TENT4B: variants seen among roughly 807,000 people sequenced by gnomAD.
TENT4B encodes the protein terminal nucleotidyltransferase 4B.
Under a neutral mutation model 75.0 loss-of-function variants are expected in TENT4B, and 10 were observed. The ratio of observed to expected loss-of-function variants is 0.13; its 90% CI spans 0.08 to 0.23. The LOEUF (loss-of-function observed/expected upper bound fraction) is 0.23, where lower values mean the gene tolerates loss of function less well. TENT4B is among the 10% of genes least tolerant of loss of function. The pLI is 1.00. For missense variants in TENT4B, 579 were observed against 893.8 expected, an observed-to-expected ratio of 0.65 and a Z score of 4.49; for synonymous variants, 350 against 357.7, an observed-to-expected ratio of 0.98 and a Z score of 0.24.
At position 50,235,140 on chromosome 16, in the gene TENT4B, C is replaced by T. The variant is rs546048517; in HGVS notation, c.*5812C>T. ...ATGAAAACTATGAATGAATTGCACA[C>T]CTGGAAGATTTTTTAAGCTAATGAC... On this transcript the variant is annotated 3_prime_UTR_variant, in exon 12 of 12. Coordinates refer to ENST00000561678, the MANE Select transcript of TENT4B (RefSeq NM_001365324.3). The T allele has an allele frequency of 1.6e-6, 1 of 628,434 alleles. No homozygotes were observed. The highest frequency in any genetic ancestry group is 2.0e-6 in the Non-Finnish European group (1 of 503,768). The allele number at this position is 628,434 out of a possible 1,614,324, so 38.9% of individuals were successfully genotyped here.
At chr16:50,222,602 T>C (rs1596750195) in intron 6 of TENT4B, among the ~76,000 whole-genome samples, 168 bp downstream of exon 6, 1 of 152,258 alleles carries the variant, frequency 6.6e-6, no homozygotes, top group East Asian at 1.9e-4. Context: ...TTAGCAAATA[T>C]GTATTTTTAA....
In TENT4B at chr16:50,154,000, TCCTCGGCGTCCTCGCCTC is replaced by T. The variant is rs777391196; in HGVS notation, c.394_411del (p.Pro132_Ser137del). ...CGGGGCCTGGGCCCGCCGGGCGGGC[TCCTCGGCGTCCTCGCCTC>T]CCTCGGCGTCCTCGTCCCCGCACCC... On this transcript the variant is annotated inframe_deletion, in exon 1 of 12. Coordinates refer to ENST00000561678, the MANE Select transcript of TENT4B (RefSeq NM_001365324.3). The T allele has an allele frequency of 6.4e-5, 98 of 1,533,754 alleles. No individual in the cohort carries two copies. Among genetic ancestry groups the T allele is most frequent in the Admixed American group, 7.9e-5 (4 of 50,846 alleles).
intron 5 of TENT4B, among the ~76,000 whole-genome samples, chr16:50,221,211 G>C (rs12935209): frequency 0.62 from 94,227 of 152,040 alleles, 30,884 homozygotes; most frequent in East Asian, 0.72. Context: ...AGCCAAGATT[G>C]TGCTACTGTA....
chr16:50,229,208 A>C lies in TENT4B; in HGVS notation c.2022A>C (p.Gln674His). 1 of 1,613,952 alleles carries C rather than the reference A, an allele frequency of 6.2e-7. No homozygotes were observed. Among genetic ancestry groups the C allele is most frequent in the South Asian group, 1.1e-5 (1 of 91,062 alleles). Residue 674 changes from glutamine to histidine, a missense_variant, in exon 12 of 12, where the codon CAA (glutamine) becomes CAC (histidine). By Grantham distance (24) the Gln-to-His change is conservative. This residue lies in a region of TENT4B where 164 missense variants were observed against 226.5 expected (regional missense o/e 0.72). Coordinates refer to ENST00000561678, the MANE Select transcript of TENT4B (RefSeq NM_001365324.3). The part of the protein sequence containing the change: ...SSSKGFQGTT[Q>H]TSHGSLMTNK... ...GCAAAGGCTTCCAAGGTACAACTCAAACAAGCCATGGTTCCTTGATGACAA... is the reference window on the plus strand; with the variant it reads ...GCAAAGGCTTCCAAGGTACAACTCACACAAGCCATGGTTCCTTGATGACAA...
chr16:50,182,832 GTGAA>G (rs2038440983), intron 1 of TENT4B, among the ~76,000 whole-genome samples: 1 of 141,666 alleles, frequency 7.1e-6, no homozygotes, highest in Non-Finnish European at 1.5e-5. Flanking sequence ...AGGTTTAACA[GTGAA>G]TGAGGAAAAC....
intron 8 of TENT4B, 33 bp downstream of exon 8, chr16:50,224,816 C>G (rs1316283327): frequency 6.2e-7 from 1 of 1,612,866 alleles, no homozygotes; most frequent in Non-Finnish European, 8.5e-7. Context: ...CCCATTGTGT[C>G]AAAATTAGTT....
chr16:50,183,361 C>T (rs1262414118), intron 1 of TENT4B, among the ~76,000 whole-genome samples: 3 of 151,826 alleles, frequency 2.0e-5, no homozygotes, highest in African/African-American at 7.3e-5. Flanking sequence ...TGTATTTTAT[C>T]TTGCTGTAGC....
chr16:50,187,860 T>G (rs961922127), intron 1 of TENT4B, among the ~76,000 whole-genome samples: 4 of 152,122 alleles, frequency 2.6e-5, no homozygotes, highest in African/African-American at 9.7e-5. Context: ...AGACCCCATC[T>G]CTATATTTTA....
At chr16:50,181,385 C>T (rs1222874463) in intron 1 of TENT4B, among the ~76,000 whole-genome samples, 3 of 149,458 alleles carry the variant, frequency 2.0e-5, no homozygotes, top group Non-Finnish European at 4.4e-5. Flanking sequence ...GTGGTGTGAT[C>T]TTGGCTCACT....
chr16:50,171,137 A>G (rs918602184), intron 1 of TENT4B, among the ~76,000 whole-genome samples: 1 of 152,140 alleles, frequency 6.6e-6, no homozygotes, highest in Non-Finnish European at 1.5e-5. Flanking sequence ...TGCCAGGCTC[A>G]TGCCTGTAAT....
intron 1 of TENT4B, among the ~76,000 whole-genome samples, chr16:50,177,823 T>G (rs1415445661): frequency 6.6e-6 from 1 of 152,178 alleles, no homozygotes. Context: ...AAACTGAGAT[T>G]ATTGATTTTT....
At chr16:50,155,274 T>TGTGTGTGG (rs2037873789) in intron 1 of TENT4B, among the ~76,000 whole-genome samples, 2 of 136,878 alleles carry the variant, frequency 1.5e-5, no homozygotes, top group South Asian at 4.4e-4. Context: ...GTCTCGTGGG[T>TGTGTGTGG]GTGTGTGTGT....
intron 5 of TENT4B, among the ~76,000 whole-genome samples, chr16:50,220,982 A>G (rs1459534386): frequency 6.6e-6 from 1 of 152,172 alleles, no homozygotes; most frequent in Non-Finnish European, 1.5e-5. Context: ...GATAAGAGTA[A>G]AGAAAAAAAA....
chr16:50,178,259 C>T (rs1025690941), intron 1 of TENT4B, among the ~76,000 whole-genome samples: 6 of 150,964 alleles, frequency 4.0e-5, no homozygotes, highest in South Asian at 2.1e-4. Flanking sequence ...AGTTTGAGAC[C>T]AGCCTGGGCA....
At chr16:50,218,172 G>A (rs890286388) in intron 5 of TENT4B, among the ~76,000 whole-genome samples, 1 of 152,148 alleles carries the variant, frequency 6.6e-6, no homozygotes, top group Non-Finnish European at 1.5e-5. Flanking sequence ...AGCTTTTGAA[G>A]AAATTGTCTG....
chr16:50,223,587 A>G (rs1047629922), intron 7 of TENT4B, among the ~76,000 whole-genome samples, 200 bp downstream of exon 7: 1 of 152,222 alleles, frequency 6.6e-6, no homozygotes, highest in Non-Finnish European at 1.5e-5. Context: ...ACTTCCAGAT[A>G]AGTAGGGAGT....
chr16:50,217,199 A>G (rs2031604630), intron 4 of TENT4B, among the ~76,000 whole-genome samples: 1 of 152,214 alleles, frequency 6.6e-6, no homozygotes, highest in Admixed American at 6.5e-5. Flanking sequence ...GATGATGGGC[A>G]TATTAATTTA....
At chr16:50,174,010 A>G (rs1257073269) in intron 1 of TENT4B, among the ~76,000 whole-genome samples, 3 of 151,448 alleles carry the variant, frequency 2.0e-5, no homozygotes, top group Non-Finnish European at 2.9e-5. Flanking sequence ...TGCTTATTTG[A>G]TATGTGTATA....
rs1447409751 is a variant in TENT4B, at chr16:50,230,704, G to A, written c.*1376G>A. The A allele has an allele frequency of 1.0e-6, 1 of 985,372 alleles. No homozygotes were observed. The highest frequency in any genetic ancestry group is 6.2e-5 in the Admixed American group (1 of 16,246). The allele number at this position is 985,372 out of a possible 1,614,324, so 61.0% of individuals were successfully genotyped here. A position where few individuals can be genotyped will look rare whatever the true frequency, so the allele number is the denominator to read the frequency against. On this transcript the variant is annotated 3_prime_UTR_variant, in exon 12 of 12. Coordinates refer to ENST00000561678, the MANE Select transcript of TENT4B (RefSeq NM_001365324.3). ...AACATTGGCTTGTTTCAATCATACTGTAAATTTTGGTTGTAGTCAGCTTTG... is the reference window on the plus strand; with the variant it reads ...AACATTGGCTTGTTTCAATCATACTATAAATTTTGGTTGTAGTCAGCTTTG...
Sources: gnomAD v4.1 joint callset for allele counts (sites outside exome capture counted in the v4.1 genomes callset) on GRCh38, gnomAD v4.1.1 for gene constraint, gnomAD v4.1.1 regional missense constraint, MANE v1.5 for transcripts, NCBI Gene and HGNC (gene_info 2026-07-23, HGNC 2026-07-21) for gene names.